The following CDH12 variants were observed in gnomAD, a reference collection of about 807,000 sequenced individuals.
CDH12 encodes the protein cadherin-12.
CDH12 carries 41 observed loss-of-function variants against 74.1 expected under a neutral mutation model. The ratio of observed to expected loss-of-function variants is 0.55; its 90% confidence interval spans 0.43 to 0.72. The LOEUF is 0.72. Ranked by LOEUF, CDH12 falls within the 30% of genes least tolerant of loss-of-function variation. The probability of loss-of-function intolerance (pLI) is 0.00; values close to 1 mark genes in which losing one functional copy is unlikely to be tolerated. For synonymous variants in CDH12, 399 were observed against 355.0 expected (o/e 1.12, Z -1.39); for missense variants, 945 against 977.2 (o/e 0.97, Z 0.44).
intron 1 of CDH12, among the ~76,000 whole-genome samples, chr5:22,631,069 T>A (rs1157549087): frequency 6.6e-6 from 1 of 151,800 alleles, no homozygotes; most frequent in African/African-American, 2.4e-5. Flanking sequence ...GAAATGAAAA[T>A]CAAAACAACA....
rs945601879 is a variant in CDH12, at chr5:22,389,741, G to A, written c.-333+15516C>T. The stretch of plus-strand genomic sequence containing the variant: ...CAGCTCACTGCAAGCTCCGCCTCCC[G>A]GGTTCACGCCATTCTCCTGCCTCAG... On this transcript the variant is annotated intron_variant, in intron 3 of 14. Coordinates refer to ENST00000382254, the MANE Select transcript of CDH12 (RefSeq NM_004061.5). Among the ~76,000 whole-genome samples the A allele has an allele frequency of 1.5e-4, 23 of 149,750 alleles. 1 individual carries two copies. The highest frequency in any genetic ancestry group is 4.7e-4 in the Admixed American group (7 of 14,800).
chr5:22,801,323 C>T (rs1357750563), intron 1 of CDH12, among the ~76,000 whole-genome samples: 1 of 151,944 alleles, frequency 6.6e-6, no homozygotes, highest in African/African-American at 2.4e-5. Flanking sequence ...GCTCTGCAAG[C>T]CAAAGGTGTT....
At chr5:22,066,346 A>C (rs992293082) in intron 5 of CDH12, among the ~76,000 whole-genome samples, 8 of 152,218 alleles carry the variant, frequency 5.3e-5, no homozygotes, top group African/African-American at 1.7e-4. Context: ...AAAGGGACCT[A>C]TCACTTTTTA....
At chr5:21,860,288 T>C (rs1411768705) in intron 6 of CDH12, among the ~76,000 whole-genome samples, 1 of 152,110 alleles carries the variant, frequency 6.6e-6, no homozygotes, top group African/African-American at 2.4e-5. Context: ...TAACTTTATG[T>C]AATAGCATTT....
At chr5:21,975,458 G>C (rs1269264317) in intron 5 of CDH12, 73 bp from the exon 6 acceptor site, 1 of 1,060,844 alleles carries the variant, frequency 9.4e-7, no homozygotes, top group African/African-American at 1.6e-5. Flanking sequence ...AAAAGGATGT[G>C]CCAAATTAAA....
intron 3 of CDH12, among the ~76,000 whole-genome samples, chr5:22,326,187 G>T (rs1401842836): frequency 6.6e-6 from 1 of 151,644 alleles, no homozygotes; most frequent in Non-Finnish European, 1.5e-5. Context: ...CTCAATCAAG[G>T]ATTTATCTAT....
chr5:22,444,973 TA>T (rs1477039989), intron 2 of CDH12, among the ~76,000 whole-genome samples: 2 of 152,074 alleles, frequency 1.3e-5, no homozygotes, highest in Admixed American at 6.6e-5. Context: ...TTATATTTTC[TA>T]AAATAATAAA....
At chr5:22,326,176 T>G (rs1002966665) in intron 3 of CDH12, among the ~76,000 whole-genome samples, 4 of 152,100 alleles carry the variant, frequency 2.6e-5, no homozygotes, top group Non-Finnish European at 1.5e-5. Flanking sequence ...AAATTCATTC[T>G]CTCAATCAAG....
intron 1 of CDH12, among the ~76,000 whole-genome samples, chr5:22,678,314 A>G (rs1741320609): frequency 6.6e-6 from 1 of 152,144 alleles, no homozygotes; most frequent in Non-Finnish European, 1.5e-5. Context: ...GAATAGCTTC[A>G]TAGAGAAGCT....
intron 3 of CDH12, among the ~76,000 whole-genome samples, chr5:22,240,259 CT>C (rs1752699586): frequency 1.3e-5 from 2 of 152,084 alleles, no homozygotes; most frequent in Non-Finnish European, 2.9e-5. Flanking sequence ...ATTTAGACAA[CT>C]GAATTATGAC....
At chr5:22,551,328 A>AGACTT (rs1336158394) in intron 1 of CDH12, among the ~76,000 whole-genome samples, 1 of 152,142 alleles carries the variant, frequency 6.6e-6, no homozygotes, top group Non-Finnish European at 1.5e-5. Context: ...TCCAGAACTG[A>AGACTT]AAGAAAACAA....
chr5:22,464,518 G>A (rs987117642), intron 2 of CDH12, among the ~76,000 whole-genome samples: 9 of 151,924 alleles, frequency 5.9e-5, no homozygotes, highest in African/African-American at 1.5e-4. Context: ...TTCCTTTAAC[G>A]GGATCTGATT....
chr5:22,089,152 G>T (rs1176568602), intron 4 of CDH12, among the ~76,000 whole-genome samples: 1 of 152,182 alleles, frequency 6.6e-6, no homozygotes, highest in Admixed American at 6.5e-5. Context: ...GCAGGCAGAG[G>T]CTGAAAACTG....
At chr5:22,226,188 G>A (rs78781543) in intron 3 of CDH12, among the ~76,000 whole-genome samples, 3,859 of 151,594 alleles carry the variant, frequency 0.025, 71 homozygotes, top group African/African-American at 0.053. Flanking sequence ...CTCTATTCTC[G>A]GTATCCTGTC....
intron 5 of CDH12, among the ~76,000 whole-genome samples, chr5:22,027,713 T>A (rs1738470673): frequency 6.6e-6 from 1 of 152,198 alleles, no homozygotes; most frequent in Non-Finnish European, 1.5e-5. Context: ...CTTTTTTTCT[T>A]TATTAGTCTT....
chr5:22,691,972 A>C (rs1442795169), intron 1 of CDH12, among the ~76,000 whole-genome samples: 3 of 152,150 alleles, frequency 2.0e-5, no homozygotes, highest in Non-Finnish European at 4.4e-5. Context: ...AATTACCTAC[A>C]TGGTGATATA....
intron 1 of CDH12, among the ~76,000 whole-genome samples, chr5:22,621,701 T>C (rs1366628758): frequency 1.3e-5 from 2 of 152,092 alleles, no homozygotes; most frequent in Non-Finnish European, 2.9e-5. Flanking sequence ...TTGTTGGAGT[T>C]TATGCCAATA....
chr5:22,175,947 C>T (rs1428365254), intron 4 of CDH12, among the ~76,000 whole-genome samples: 6 of 152,182 alleles, frequency 3.9e-5, no homozygotes, highest in African/African-American at 7.2e-5. Context: ...TTATTTTCTT[C>T]CTTTCTCCAC....
chr5:21,989,647 T>A (rs1171432606), intron 5 of CDH12, among the ~76,000 whole-genome samples: 1 of 152,194 alleles, frequency 6.6e-6, no homozygotes, highest in African/African-American at 2.4e-5. Context: ...ACATATTATG[T>A]TTAACATAAG....
Sources: allele counts gnomAD v4.1 joint callset (sites outside exome capture counted in the v4.1 genomes callset), GRCh38; gene constraint gnomAD v4.1.1; transcripts MANE v1.5; gene names NCBI Gene and HGNC (gene_info 2026-07-23, HGNC 2026-07-21).